The following RBFOX2 variants were observed in gnomAD, a reference collection of about 807,000 sequenced individuals.
The protein encoded by RBFOX2 is RNA binding fox-1 homolog 2, also known as RNA binding protein fox-1 homolog 2.
A neutral mutation model predicts 49.1 loss-of-function variants in RBFOX2; 10 were observed. That is an observed-to-expected ratio of 0.20 (90% CI 0.13 to 0.35). RBFOX2 has a LOEUF of 0.35. RBFOX2 is among the 10% of genes least tolerant of loss of function. The pLI is 1.00. For synonymous variants in RBFOX2, 183 were observed against 187.4 expected (o/e 0.98, Z 0.19); for missense variants, 323 against 486.9 (o/e 0.66, Z 3.17).
At chr22:35,963,615 CAAA>C (rs2056385413), upstream of RBFOX2, among the ~76,000 whole-genome samples, 1 of 152,164 alleles carries the variant, frequency 6.6e-6, no homozygotes, top group African/African-American at 2.4e-5. Flanking sequence ...AGTTGCAAAA[CAAA>C]GCTCCATTTA....
intron 1 of RBFOX2, among the ~76,000 whole-genome samples, chr22:35,907,215 A>G (rs2049221308): frequency 6.6e-6 from 1 of 152,174 alleles, no homozygotes; most frequent in Non-Finnish European, 1.5e-5. Context: ...ATTACTGTAC[A>G]CGCTTCCCCA....
intron 1 of RBFOX2, among the ~76,000 whole-genome samples, chr22:35,861,541 C>A (rs920700036): frequency 6.6e-6 from 1 of 152,022 alleles, no homozygotes; most frequent in East Asian, 1.9e-4. Context: ...AGTAAACAAG[C>A]GCATGAAAAG....
chr22:35,757,088 G>T (rs1380622017), intron 9 of RBFOX2, among the ~76,000 whole-genome samples: 1 of 151,996 alleles, frequency 6.6e-6, no homozygotes, highest in Non-Finnish European at 1.5e-5. Flanking sequence ...ATTGATAACT[G>T]AAGTTCTGGG....
chr22:35,916,445 C>T (rs2050418059), intron 1 of RBFOX2, among the ~76,000 whole-genome samples: 1 of 152,150 alleles, frequency 6.6e-6, no homozygotes, highest in Non-Finnish European at 1.5e-5. Context: ...CCAAACCCGG[C>T]TAATATTTGT....
chr22:35,979,118 T>C (rs1381792747), intron 1 of RBFOX2, among the ~76,000 whole-genome samples: 1 of 152,144 alleles, frequency 6.6e-6, no homozygotes, highest in Non-Finnish European at 1.5e-5. Flanking sequence ...GAGAAGAGCA[T>C]AGCATCATTG....
At chr22:35,976,272 T>A (rs1031536125) in intron 1 of RBFOX2, among the ~76,000 whole-genome samples, 1 of 152,018 alleles carries the variant, frequency 6.6e-6, no homozygotes, top group Non-Finnish European at 1.5e-5. Flanking sequence ...TAGTAGCCAT[T>A]ATCCCACCCC....
chr22:35,879,713 G>T (rs2045621318), intron 1 of RBFOX2, among the ~76,000 whole-genome samples: 1 of 152,220 alleles, frequency 6.6e-6, no homozygotes, highest in Non-Finnish European at 1.5e-5. Flanking sequence ...TTTTGTGCAT[G>T]ATCAGATTTA....
chr22:36,028,405 C>T (rs1364141509), exon 1 of RBFOX2: 1 of 1,235,478 alleles, frequency 8.1e-7, no homozygotes, highest in Non-Finnish European at 1.0e-6. Context: ...GCGGCTGATG[C>T]GGCTGGGCGC....
intron 1 of RBFOX2, among the ~76,000 whole-genome samples, chr22:35,984,775 T>C (rs2057626099): frequency 6.6e-6 from 1 of 152,218 alleles, no homozygotes; most frequent in African/African-American, 2.4e-5. Context: ...CATGTCTCCA[T>C]GACTCTGCTC....
At position 35,752,304 on chromosome 22, in the gene RBFOX2, A is replaced by G. The variant is rs16996055; in HGVS notation, c.888-5743T>C. Among the ~76,000 whole-genome samples, 127 of 152,322 alleles carry G rather than the reference A, an allele frequency of 8.3e-4. 1 individual carries two copies. Among genetic ancestry groups the G allele is most frequent in the African/African-American group, 3.0e-3 (124 of 41,578 alleles). Reference sequence around the variant, plus strand: ...CTAAATATAAAAAAACAGTTTAAATACCACAGGTACATGTGACTGACAGAT... The same window carrying G: ...CTAAATATAAAAAAACAGTTTAAATGCCACAGGTACATGTGACTGACAGAT... On this transcript the variant is annotated intron_variant, in intron 9 of 11. Transcript: ENST00000405409.
chr22:35,813,871 T>C (rs1470137688), intron 1 of RBFOX2, among the ~76,000 whole-genome samples: 1 of 152,248 alleles, frequency 6.6e-6, no homozygotes, highest in Non-Finnish European at 1.5e-5. Context: ...CAAGTGTTGG[T>C]ATCTTGGGTT....
chr22:36,016,236 CTA>C (rs1312365333), intron 1 of RBFOX2, among the ~76,000 whole-genome samples: 1 of 152,096 alleles, frequency 6.6e-6, no homozygotes, highest in African/African-American at 2.4e-5. Flanking sequence ...AAAGAAATTT[CTA>C]TGAGCCTCTG....
At chr22:35,967,690 A>C (rs901260581) in intron 1 of RBFOX2, among the ~76,000 whole-genome samples, 1 of 152,206 alleles carries the variant, frequency 6.6e-6, no homozygotes, top group Non-Finnish European at 1.5e-5. Context: ...GAGCCCAAAA[A>C]TAATAAATAA....
intron 1 of RBFOX2, among the ~76,000 whole-genome samples, chr22:35,829,086 C>T (rs1192335835): frequency 1.3e-5 from 2 of 151,896 alleles, no homozygotes; most frequent in African/African-American, 4.8e-5. Flanking sequence ...AACAAACAAC[C>T]CAAGACCCGA....
Position 35,869,469 on chromosome 22 carries a change from CAAAAAAAAAAAAAAAAAA to C in RBFOX2, c.-33-59483_-33-59466del, listed in dbSNP as rs35854576. Among the ~76,000 whole-genome samples, 143 of 30,580 alleles carry C rather than the reference CAAAAAAAAAAAAAAAAAA, an allele frequency of 4.7e-3. 1 individual carries two copies. Among genetic ancestry groups the C allele is most frequent in the East Asian group, 0.013 (10 of 742 alleles). 20.1% of individuals were successfully genotyped at this position (30,580 alleles called of 152,430 possible). The stretch of plus-strand genomic sequence containing the variant: ...CCACCACACCCAGCCAACGGCTGAC[CAAAAAAAAAAAAAAAAAA>C]AAAAAAAAAAAAAAAAAATGTAGAC... On this transcript the variant is annotated intron_variant, in intron 1 of 13. Transcript: ENST00000359369.
chr22:35,829,842 T>C (rs887125604), intron 1 of RBFOX2, among the ~76,000 whole-genome samples: 3 of 152,130 alleles, frequency 2.0e-5, no homozygotes, highest in African/African-American at 7.2e-5. Context: ...CTTTCCCCAG[T>C]TGCGGGAGTC....
chr22:35,864,477 C>CAA (rs567071983), intron 1 of RBFOX2, among the ~76,000 whole-genome samples: 27 of 152,260 alleles, frequency 1.8e-4, no homozygotes, highest in African/African-American at 6.5e-4. Context: ...TGTGAGGCCC[C>CAA]AAAGGTGAAC....
chr22:35,977,053 G>T (rs1457426009), intron 1 of RBFOX2, among the ~76,000 whole-genome samples: 2 of 151,332 alleles, frequency 1.3e-5, no homozygotes, highest in African/African-American at 4.9e-5. Flanking sequence ...TCATCAAAGA[G>T]ATATGACTGA....
chr22:35,939,846 T>TA (rs3885502), upstream of RBFOX2, among the ~76,000 whole-genome samples: 15,665 of 151,786 alleles, frequency 0.1, 980 homozygotes, highest in African/African-American at 0.17. Context: ...ACTGATGGAG[T>TA]AAAAAAAGAT....
Sources: gnomAD v4.1 joint callset for allele counts (sites outside exome capture counted in the v4.1 genomes callset) on GRCh38, gnomAD v4.1.1 for gene constraint, MANE v1.5 for transcripts, NCBI Gene and HGNC (gene_info 2026-07-23, HGNC 2026-07-21) for gene names.